Variants in YLPM1 observed in about 807,000 individuals in gnomAD.
YLPM1 encodes YLP motif containing 1.
Under a neutral mutation model 230.0 loss-of-function variants are expected in YLPM1, and 99 were observed. The ratio of observed to expected loss-of-function variants is 0.43; its 90% confidence interval spans 0.37 to 0.51. The LOEUF is 0.51. YLPM1 is among the 20% of genes least tolerant of loss of function. The probability of loss-of-function intolerance (pLI) is 0.00; values close to 1 mark genes in which losing one functional copy is unlikely to be tolerated. For synonymous variants in YLPM1, 984 were observed against 942.5 expected (o/e 1.04, Z -0.81); for missense variants, 2,592 against 2,707.7 (o/e 0.96, Z 0.95).
chr14:74,829,563 G>A (rs954685484), intron 19 of YLPM1, among the ~76,000 whole-genome samples: 1 of 152,168 alleles, frequency 6.6e-6, no homozygotes, highest in African/African-American at 2.4e-5. Flanking sequence ...TGGCTAGCAC[G>A]TTGTCAACCT....
chr14:74,799,641 C>G lies in YLPM1; in HGVS notation c.4344C>G (p.Leu1448=). Residue 1448 remains leucine (L), a synonymous_variant, in exon 5 of 21, where the codon CTC becomes CTG. Coordinates refer to ENST00000325680, the MANE Select transcript of YLPM1 (RefSeq NM_019589.3). ...AAGGCCTTGGAGGGGTAATGGTTCT[C>G]AGTCAGAGGCAGCATGAAATCATTT... is the stretch of plus-strand genomic sequence containing the variant. The part of the protein sequence containing the change: ...SDQGLGGVMV[L]SQRQHEIILK... 6.2e-7 allele frequency: 1 copy of G among 1,613,208 alleles called. No individual in the cohort carries two copies. The highest frequency in any genetic ancestry group is 8.5e-7 in the Non-Finnish European group (1 of 1,179,402).
At chr14:74,770,398 C>T (rs543842395) in intron 1 of YLPM1, among the ~76,000 whole-genome samples, 4 of 150,900 alleles carry the variant, frequency 2.7e-5, no homozygotes, top group South Asian at 2.1e-4. Flanking sequence ...CCAAGGCAGG[C>T]GGATCACTTG....
Position 74,764,003 on chromosome 14 carries a change from C to T in YLPM1, c.514C>T (p.Pro172Ser), listed in dbSNP as rs760241306. Reference protein sequence around the residue: ...QSYMPPPQPPPSYYPPTSSQP... With the variant: ...QSYMPPPQPPSSYYPPTSSQP... The stretch of plus-strand genomic sequence containing the variant: ...TTACATGCCCCCACCTCAGCCGCCA[C>T]CCTCTTACTACCCCCCGACCTCATC... The change falls in exon 1 of 21, where the codon CCC (proline) becomes TCC (serine). Residue 172 changes from proline to serine, a missense_variant. By Grantham distance (74) the Pro-to-Ser change is moderately conservative (BLOSUM62 -1). Transcript: ENST00000325680. 3.1e-6 allele frequency: 5 copies of T among 1,603,916 alleles called. No homozygotes were observed. The highest frequency in any genetic ancestry group is 4.3e-6 in the Non-Finnish European group (5 of 1,175,748).
At position 74,798,410 on chromosome 14, in the gene YLPM1, A is replaced by G. The variant is rs746418661; in HGVS notation, c.3113A>G (p.Asn1038Ser). 3 of 1,614,014 alleles carry G rather than the reference A, an allele frequency of 1.9e-6. No homozygotes were observed. Among genetic ancestry groups the G allele is most frequent in the Non-Finnish European group, 2.5e-6 (3 of 1,179,886 alleles). Residue 1038 changes from asparagine (N) to serine (S), a missense_variant, in exon 5 of 21, where the codon AAC becomes AGC. Physicochemically the swap from Asn to Ser is conservative, Grantham distance 46 (BLOSUM62 1). This residue lies in a region of YLPM1 where 1,862 missense variants were observed against 1,819.8 expected (regional missense o/e 1.02). Coordinates refer to ENST00000325680, the MANE Select transcript of YLPM1 (RefSeq NM_019589.3). ...GACACACGGGATAAAGGTCTAGTAAACAGAGGTCGCGGCCAGGCAATCAGT... is the reference window on the plus strand; with the variant it reads ...GACACACGGGATAAAGGTCTAGTAAGCAGAGGTCGCGGCCAGGCAATCAGT... Reference protein sequence around the residue: ...MEDTRDKGLVNRGRGQAISRG... With the variant: ...MEDTRDKGLVSRGRGQAISRG...
rs2091103235 is a variant in YLPM1 at position 74,782,263 on chromosome 14, A to G, written c.2220A>G (p.Arg740=). The G allele has an allele frequency of 6.3e-7, 1 of 1,584,752 alleles. No individual in the cohort carries two copies. Among genetic ancestry groups the G allele is most frequent in the Non-Finnish European group, 8.5e-7 (1 of 1,173,426 alleles). The change falls in exon 4 of 21, where the codon AGA becomes AGG. Residue 740 remains arginine (R), a synonymous_variant. Coordinates refer to ENST00000325680, the MANE Select transcript of YLPM1 (RefSeq NM_019589.3). ...CTGCAGTGAAGGACATGCCAGTGAG[A>G]TCAGGTGGCCTGCTTCCAGATCCTC... ...PITAVKDMPV[R]SGGLLPDPPR... is the part of the protein sequence containing the mutation.
Position 74,809,714 on chromosome 14 carries a change from C to G in YLPM1, c.4856C>G (p.Pro1619Arg). The G allele has an allele frequency of 6.2e-7, 1 of 1,614,080 alleles. No homozygotes were observed. Among genetic ancestry groups the G allele is most frequent in the Non-Finnish European group, 8.5e-7 (1 of 1,179,908 alleles). ...PPPPVHSSIP[P>R]PGPVPMGMPP... The stretch of plus-strand genomic sequence containing the variant: ...CCACCTGTTCACTCTTCCATTCCCC[C>G]TCCTGGCCCAGTGCCTATGGGTATG... The change falls in exon 7 of 21, where the codon CCT becomes CGT. Residue 1619 changes from proline to arginine, a missense_variant. Transcript: ENST00000325680.
chr14:74,788,840 A>G (rs1008903294), intron 4 of YLPM1, among the ~76,000 whole-genome samples: 1 of 152,206 alleles, frequency 6.6e-6, no homozygotes. Context: ...TGACTCAAAA[A>G]AAAAGAAAGA....
chr14:74,772,175 GGTCA>G (rs915209003), intron 1 of YLPM1, among the ~76,000 whole-genome samples: 3 of 150,704 alleles, frequency 2.0e-5, no homozygotes, highest in Admixed American at 2.0e-4. Context: ...TAGCAGCAGT[GGTCA>G]GTAAGTGCTT....
At position 74,782,060 on chromosome 14, in the gene YLPM1, A is replaced by G; in HGVS notation, c.2017A>G (p.Thr673Ala). 1.2e-6 allele frequency: 2 copies of G among 1,613,258 alleles called. No individual in the cohort carries two copies. Among genetic ancestry groups the G allele is most frequent in the Admixed American group, 3.3e-5 (2 of 59,958 alleles). Residue 673 changes from threonine to alanine, a missense_variant, in exon 4 of 21, where the codon ACT becomes GCT. This residue lies in a region of YLPM1 where 1,862 missense variants were observed against 1,819.8 expected (regional missense o/e 1.02). Coordinates refer to ENST00000325680, the MANE Select transcript of YLPM1 (RefSeq NM_019589.3). ...PEKPRPALLPTPVSFGSAPPT... is the reference protein window; with the variant it reads ...PEKPRPALLPAPVSFGSAPPT... Reference sequence around the variant, plus strand: ...GAAACCTAGACCAGCACTGCTTCCTACTCCTGTGTCTTTTGGTTCTGCCCC... The same window carrying G: ...GAAACCTAGACCAGCACTGCTTCCTGCTCCTGTGTCTTTTGGTTCTGCCCC...
chr14:74,777,390 A>T (rs558486633), intron 1 of YLPM1, among the ~76,000 whole-genome samples: 1 of 151,394 alleles, frequency 6.6e-6, no homozygotes, highest in Non-Finnish European at 1.5e-5. Flanking sequence ...ACATGGTGAA[A>T]CCCCATCTCT....
chr14:74,763,779 A>G lies in YLPM1; in HGVS notation c.290A>G (p.Tyr97Cys). 6.7e-7 allele frequency: 1 copy of G among 1,500,316 alleles called. No individual in the cohort carries two copies. The highest frequency in any genetic ancestry group is 8.9e-7 in the Non-Finnish European group (1 of 1,125,976). The allele number at this position is 1,500,316 out of a possible 1,614,324, so 92.9% of individuals were successfully genotyped here. Residue 97 changes from tyrosine (Y) to cysteine (C), a missense_variant, in exon 1 of 21, where the codon TAC becomes TGC. Around this residue, in one of 4 missense-constraint regions of YLPM1, gnomAD observed 1,862 missense variants for 1,819.8 expected, o/e 1.02. Coordinates refer to ENST00000325680, the MANE Select transcript of YLPM1 (RefSeq NM_019589.3). ...PPPPVMPGGG[Y>C]GDWQPPPPPM... ...CCGCCAGTGATGCCGGGGGGCGGCT[A>G]CGGAGACTGGCAGCCGCCACCGCCA...
intron 1 of YLPM1, 109 bp downstream of exon 1, chr14:74,764,471 T>A (rs1252174924): frequency 7.4e-7 from 1 of 1,342,498 alleles, no homozygotes; most frequent in African/African-American, 1.5e-5. Flanking sequence ...AATGACTAGC[T>A]AACACTCCAA....
At chr14:74,776,014 G>A (rs2091033443) in intron 1 of YLPM1, among the ~76,000 whole-genome samples, 1 of 152,184 alleles carries the variant, frequency 6.6e-6, no homozygotes, top group Admixed American at 6.5e-5. Flanking sequence ...AGTCATATAA[G>A]TATACAGGGC....
intron 1 of YLPM1, among the ~76,000 whole-genome samples, chr14:74,767,125 A>G (rs2090919769): frequency 6.6e-6 from 1 of 151,838 alleles, no homozygotes; most frequent in African/African-American, 2.4e-5. Flanking sequence ...CTCATGATCC[A>G]GCTGCCTTGG....
At chr14:74,770,429 G>C (rs1284911541) in intron 1 of YLPM1, among the ~76,000 whole-genome samples, 1 of 151,840 alleles carries the variant, frequency 6.6e-6, no homozygotes, top group Non-Finnish European at 1.5e-5. Flanking sequence ...TTCAAGACCA[G>C]CCTGGCCAAC....
chr14:74,794,764 T>TAC (rs58830379), intron 4 of YLPM1, among the ~76,000 whole-genome samples: 3,829 of 150,474 alleles, frequency 0.025, 154 homozygotes, highest in African/African-American at 0.083. Context: ...ATTTGGTTAA[T>TAC]ACACACACAC....
chr14:74,802,639 G>A lies in YLPM1; in HGVS notation c.4484G>A (p.Arg1495Lys). 1 of 1,613,376 alleles carries A rather than the reference G, an allele frequency of 6.2e-7. No homozygotes were observed. The highest frequency in any genetic ancestry group is 8.5e-7 in the Non-Finnish European group (1 of 1,179,634). ...GACCATCTACCACCTCAGGAATCAA[G>A]ATTGCAGAATACATCTTCAAGACCT... Reference protein sequence around the residue: ...MADHLPPQESRLQNTSSRPGM... With the variant: ...MADHLPPQESKLQNTSSRPGM... Residue 1495 changes from arginine (R) to lysine (K), a missense_variant, in exon 6 of 21, where the codon AGA becomes AAA. Transcript: ENST00000325680.
intron 19 of YLPM1, chr14:74,834,914 C>T (rs8014695): frequency 1.2e-5 from 2 of 172,682 alleles, no homozygotes; most frequent in African/African-American, 4.8e-5. Flanking sequence ...GAATCTGGAG[C>T]GGGTGAGTAC....
intron 16 of YLPM1, among the ~76,000 whole-genome samples, chr14:74,820,186 C>T (rs2091509842): frequency 6.6e-6 from 1 of 152,218 alleles, no homozygotes; most frequent in Non-Finnish European, 1.5e-5. Context: ...TTAGTAGTCT[C>T]TGTTTTAGTA....
Sources: gnomAD v4.1 joint callset for allele counts (sites outside exome capture counted in the v4.1 genomes callset) on GRCh38, gnomAD v4.1.1 for gene constraint, gnomAD v4.1.1 regional missense constraint, MANE v1.5 for transcripts, NCBI Gene and HGNC (gene_info 2026-07-23, HGNC 2026-07-21) for gene names.